CASP5: variants seen among roughly 807,000 people sequenced by gnomAD.
CASP5 encodes caspase 5.
CASP5 carries 42 observed loss-of-function variants against 45.2 expected under a neutral mutation model. The observed-to-expected ratio is 0.93, with a 90% CI of 0.73 to 1.20. The LOEUF (loss-of-function observed/expected upper bound fraction) is 1.20. CASP5 is among the 50% of genes most tolerant of loss of function. The pLI, the probability that CASP5 is intolerant of heterozygous loss-of-function variation, is 0.00. For missense variants in CASP5, 512 were observed against 532.2 expected (o/e 0.96, Z 0.37); for synonymous variants, 209 against 186.2 (o/e 1.12, Z -1.00).
intron 1 of CASP5, among the ~76,000 whole-genome samples, chr11:105,009,856 T>C (rs993429123): frequency 4.7e-4 from 64 of 137,392 alleles, no homozygotes; most frequent in East Asian, 1.6e-3. Flanking sequence ...TATATACACA[T>C]ATATATACAT....
chr11:105,006,663 G>C (rs572011039), intron 3 of CASP5, among the ~76,000 whole-genome samples: 41 of 152,286 alleles, frequency 2.7e-4, no homozygotes, highest in African/African-American at 9.9e-4. Context: ...TGTGGTGCCT[G>C]GCATTACAAT....
chr11:105,003,384 C>G lies in CASP5; in HGVS notation c.434-1G>C, dbSNP rs138570427. Reference sequence around the variant, plus strand: ...GGTCCAGCCTCGATTTGCAGAAGAGCTGTGGGATATCACAAAATATAAATT... The same window carrying G: ...GGTCCAGCCTCGATTTGCAGAAGAGGTGTGGGATATCACAAAATATAAATT... On this transcript the variant is annotated splice_acceptor_variant, in intron 3 of 9. Transcript: ENST00000260315. LOFTEE classifies it high-confidence loss of function. 1.4e-4 allele frequency: 209 copies of G among 1,539,174 alleles called. No individual in the cohort carries two copies. The highest frequency in any genetic ancestry group is 1.8e-4 in the Non-Finnish European group (203 of 1,126,444).
At chr11:105,002,963 C>T (rs1477148327) in intron 4 of CASP5, among the ~76,000 whole-genome samples, 1 of 151,820 alleles carries the variant, frequency 6.6e-6, no homozygotes, top group African/African-American at 2.4e-5. Flanking sequence ...TTTGGGAGGC[C>T]AAGGCTGTGG....
chr11:105,013,560 A>G (rs7926464), intron 1 of CASP5, among the ~76,000 whole-genome samples: 8,868 of 152,138 alleles, frequency 0.058, 788 homozygotes, highest in African/African-American at 0.2. Context: ...AATATTTATA[A>G]AAAACAATTC....
intron 8 of CASP5, among the ~76,000 whole-genome samples, chr11:104,996,655 A>G (rs1861482240): frequency 6.6e-6 from 1 of 152,220 alleles, no homozygotes; most frequent in Admixed American, 6.5e-5. Flanking sequence ...AATGTCTGCT[A>G]TATGTCAGGC....
At chr11:105,008,780 T>C (rs1463105358) in intron 2 of CASP5, 27 bp downstream of exon 2, 4 of 1,523,664 alleles carry the variant, frequency 2.6e-6, no homozygotes, top group South Asian at 1.1e-5. Flanking sequence ...AAATTGGAAA[T>C]ATCCATTGTA....
At chr11:105,018,834 C>G (rs1456961452) in intron 1 of CASP5, among the ~76,000 whole-genome samples, 1 of 143,336 alleles carries the variant, frequency 7.0e-6, no homozygotes, top group Admixed American at 7.3e-5. Context: ...CTCTCCACCC[C>G]AAATCAACAG....
At chr11:105,001,230 C>T (rs1050127335) in intron 5 of CASP5, among the ~76,000 whole-genome samples, 3 of 152,244 alleles carry the variant, frequency 2.0e-5, no homozygotes, top group Non-Finnish European at 2.9e-5. Flanking sequence ...TGAAATTGTC[C>T]GGTTTCGTTT....
chr11:105,021,989 G>A (rs1184149932), intron 1 of CASP5, among the ~76,000 whole-genome samples: 2 of 151,240 alleles, frequency 1.3e-5, no homozygotes, highest in Non-Finnish European at 2.9e-5. Flanking sequence ...CATAAAAAAT[G>A]ATGAGTTCAT....
chr11:105,019,099 G>C (rs1256134012), intron 1 of CASP5, among the ~76,000 whole-genome samples: 2 of 150,044 alleles, frequency 1.3e-5, no homozygotes, highest in African/African-American at 2.4e-5. Context: ...GATGTTCTTT[G>C]AAACCAACGA....
intron 1 of CASP5, among the ~76,000 whole-genome samples, chr11:105,009,563 A>C (rs1287087514): frequency 6.6e-6 from 1 of 151,260 alleles, no homozygotes; most frequent in Admixed American, 6.6e-5. Context: ...AAGTGGATAA[A>C]TGCATCTAGA....
intron 1 of CASP5, among the ~76,000 whole-genome samples, chr11:105,019,209 A>G (rs946916756): frequency 6.6e-6 from 1 of 151,256 alleles, no homozygotes; most frequent in Non-Finnish European, 1.5e-5. Flanking sequence ...AGCAGGAAAG[A>G]TCCAAAATTG....
At chr11:105,005,352 ATATATGTG>A (rs1250746825) in intron 3 of CASP5, among the ~76,000 whole-genome samples, 32 of 132,016 alleles carry the variant, frequency 2.4e-4, no homozygotes, top group African/African-American at 8.4e-4. Flanking sequence ...GTGTGTATAT[ATATATGTG>A]TGTGTGTGTG....
intron 1 of CASP5, among the ~76,000 whole-genome samples, chr11:105,012,431 A>T (rs1324422975): frequency 6.6e-6 from 1 of 151,924 alleles, no homozygotes; most frequent in Non-Finnish European, 1.5e-5. Context: ...AAGATATGAG[A>T]TTACATCAAA....
At chr11:105,019,020 T>G (rs1862793339) in intron 1 of CASP5, among the ~76,000 whole-genome samples, 1 of 146,334 alleles carries the variant, frequency 6.8e-6, no homozygotes, top group Non-Finnish European at 1.5e-5. Flanking sequence ...ACCACTCAAC[T>G]ACATGGAAAC....
At chr11:105,000,533 A>G (rs1305883592) in intron 5 of CASP5, 38 bp from the exon 6 acceptor site, 1 of 1,566,188 alleles carries the variant, frequency 6.4e-7, no homozygotes, top group African/African-American at 1.4e-5. Context: ...TCAGAGAAGC[A>G]TCACAATTAA....
Position 105,023,125 on chromosome 11 carries a change from C to T in CASP5, c.7+5G>A. 1 of 1,551,092 alleles carries T rather than the reference C, an allele frequency of 6.4e-7. No individual in the cohort carries two copies. The highest frequency in any genetic ancestry group is 1.2e-5 in the South Asian group (1 of 84,036). Reference sequence around the variant, plus strand: ...GCTGCTAGTCAGAAAAGGGCCCAGACTCACCAGCCATAGCTAACAGCCTCT... The same window carrying T: ...GCTGCTAGTCAGAAAAGGGCCCAGATTCACCAGCCATAGCTAACAGCCTCT... On this transcript the variant is annotated splice_donor_5th_base_variant and intron_variant, in intron 1 of 9. Transcript: ENST00000260315.
At chr11:105,004,769 C>T (rs999388941) in intron 3 of CASP5, among the ~76,000 whole-genome samples, 1 of 152,014 alleles carries the variant, frequency 6.6e-6, no homozygotes, top group East Asian at 1.9e-4. Context: ...GAAACCATAC[C>T]TTCTAAGCAT....
At chr11:105,022,008 T>G (rs1165753431) in intron 1 of CASP5, among the ~76,000 whole-genome samples, 2 of 151,056 alleles carry the variant, frequency 1.3e-5, no homozygotes, top group South Asian at 2.1e-4. Context: ...ATGTCCTTTG[T>G]AGGGACATGG....
Sources: gnomAD v4.1 joint callset for allele counts (sites outside exome capture counted in the v4.1 genomes callset) on GRCh38, gnomAD v4.1.1 for gene constraint, MANE v1.5 for transcripts, NCBI Gene and HGNC (gene_info 2026-07-23, HGNC 2026-07-21) for gene names.